CDR2L: variants seen among roughly 807,000 people sequenced by gnomAD.
CDR2L encodes cerebellar degeneration-related protein 2-like.
CDR2L carries 19 observed loss-of-function variants against 36.1 expected under a neutral mutation model. The observed-to-expected ratio is 0.53, with a 90% CI of 0.37 to 0.77. The LOEUF is 0.77. Ranked by LOEUF, CDR2L falls within the 30% of genes least tolerant of loss-of-function variation. The pLI is 0.00. For synonymous variants in CDR2L, 285 were observed against 280.4 expected, an observed-to-expected ratio of 1.02 and a Z score of -0.16; for missense variants, 575 against 627.2, an observed-to-expected ratio of 0.92 and a Z score of 0.89.
chr17:74,989,462 CA>C lies in CDR2L; in HGVS notation c.79+1342del, dbSNP rs2039783681. ...ACACACACACATCCACACATTGTGACAACCCCCTCTCCCATCCTGGGCAGTA... is the reference window on the plus strand; with the variant it reads ...ACACACACACATCCACACATTGTGACACCCCCTCTCCCATCCTGGGCAGTA... On this transcript the variant is annotated intron_variant, in intron 1 of 4. Coordinates refer to ENST00000337231, the MANE Select transcript of CDR2L (RefSeq NM_014603.3). This position sits in a 1 kb window ranked among gnomAD's most constrained non-coding sequence, Gnocchi z 4.2. Among the ~76,000 whole-genome samples the C allele has an allele frequency of 6.8e-6, 1 of 148,056 alleles. No homozygotes were observed. Among genetic ancestry groups the C allele is most frequent in the Non-Finnish European group, 1.5e-5 (1 of 66,582 alleles).
Sources: allele counts gnomAD v4.1 joint callset (sites outside exome capture counted in the v4.1 genomes callset), GRCh38; gene constraint gnomAD v4.1.1; non-coding constraint Gnocchi (gnomAD v3.1); transcripts MANE v1.5; gene names NCBI Gene and HGNC (gene_info 2026-07-23, HGNC 2026-07-21).